Variants in BNC2 observed in about 807,000 individuals in gnomAD.
BNC2 encodes basonuclin zinc finger protein 2.
BNC2 carries 20 observed loss-of-function variants against 76.3 expected under a neutral mutation model. The observed-to-expected ratio is 0.26, with a 90% CI of 0.18 to 0.38. The LOEUF (loss-of-function observed/expected upper bound fraction) is 0.38. Among genes scored for constraint, BNC2 ranks in the 10% least tolerant of loss-of-function variants. BNC2 has a pLI of 1.00. For synonymous variants in BNC2, 582 were observed against 514.8 expected (o/e 1.13, Z -1.77); for missense variants, 1,382 against 1,399.8 (o/e 0.99, Z 0.20).
chr9:16,664,402 C>T (rs1175488181), intron 3 of BNC2, among the ~76,000 whole-genome samples: 1 of 152,162 alleles, frequency 6.6e-6, no homozygotes, highest in East Asian at 1.9e-4. Flanking sequence ...CAGAACTTTC[C>T]TATCCAGAGA....
At chr9:16,699,685 A>C (rs1823450683) in intron 3 of BNC2, among the ~76,000 whole-genome samples, 2 of 152,262 alleles carry the variant, frequency 1.3e-5, no homozygotes, top group African/African-American at 4.8e-5. Context: ...CAGAATTCAC[A>C]GGCATCATTT....
chr9:16,614,311 G>T (rs1158916130), intron 3 of BNC2, among the ~76,000 whole-genome samples: 2 of 148,604 alleles, frequency 1.3e-5, no homozygotes, highest in Non-Finnish European at 3.0e-5. Context: ...AAGGATGGGG[G>T]TCTTACTCAT....
At chr9:16,460,286 G>C (rs1821546059) in intron 5 of BNC2, among the ~76,000 whole-genome samples, 1 of 151,340 alleles carries the variant, frequency 6.6e-6, no homozygotes. Flanking sequence ...TCCCTTCTTG[G>C]AAATAAGTGG....
At chr9:16,473,596 C>T (rs150215262) in intron 5 of BNC2, among the ~76,000 whole-genome samples, 5 of 151,972 alleles carry the variant, frequency 3.3e-5, no homozygotes, top group African/African-American at 4.8e-5. Flanking sequence ...ATGATGGGAC[C>T]GGGCGTGGTG....
At chr9:16,685,604 C>T in intron 3 of BNC2, 1 of 1,304,278 alleles carries the variant, frequency 7.7e-7, no homozygotes, top group Non-Finnish European at 1.0e-6. Context: ...GCCCCCAGCA[C>T]TCTGCCAGTA....
At chr9:16,479,628 T>G (rs1563802716) in intron 5 of BNC2, among the ~76,000 whole-genome samples, 1 of 152,220 alleles carries the variant, frequency 6.6e-6, no homozygotes, top group Non-Finnish European at 1.5e-5. Context: ...GTATCATTGA[T>G]CAGCATAACA....
intron 1 of BNC2, among the ~76,000 whole-genome samples, chr9:16,738,717 G>T (rs968581188): frequency 6.6e-6 from 1 of 152,072 alleles, no homozygotes; most frequent in Admixed American, 6.6e-5. Context: ...ATTGATAATG[G>T]ATACACTTTT....
chr9:16,429,228 T>C (rs1179388523), intron 6 of BNC2: 1 of 152,214 alleles, frequency 6.6e-6, no homozygotes, highest in Non-Finnish European at 1.5e-5. Context: ...TTCCTCTTAG[T>C]ACAACCACGA....
chr9:16,609,720 C>T (rs1019172202), intron 3 of BNC2, among the ~76,000 whole-genome samples: 2 of 152,158 alleles, frequency 1.3e-5, no homozygotes, highest in East Asian at 3.9e-4. Context: ...AAACTAATCT[C>T]AAGAAAGGTC....
At chr9:16,430,860 T>C (rs1020347045) in intron 6 of BNC2, among the ~76,000 whole-genome samples, 3 of 152,240 alleles carry the variant, frequency 2.0e-5, no homozygotes, top group African/African-American at 7.2e-5. Flanking sequence ...AAACTAGCAA[T>C]CGAATGGAAG....
chr9:16,795,513 T>C (rs144056712), intron 1 of BNC2, among the ~76,000 whole-genome samples: 1 of 152,034 alleles, frequency 6.6e-6, no homozygotes, highest in Non-Finnish European at 1.5e-5. Flanking sequence ...CAGACGGCCA[T>C]GCAATTATAA....
At chr9:16,829,316 G>A (rs1033158646) in intron 1 of BNC2, among the ~76,000 whole-genome samples, 6 of 152,142 alleles carry the variant, frequency 3.9e-5, no homozygotes, top group Non-Finnish European at 5.9e-5. Flanking sequence ...GCTGTCTCCT[G>A]GCCCCTACTC....
In BNC2 at chr9:16,554,748, T is replaced by C. The variant is rs568783520; in HGVS notation, c.434-1983A>G. On this transcript the variant is annotated intron_variant, in intron 4 of 6. Coordinates refer to ENST00000380672, the MANE Select transcript of BNC2 (RefSeq NM_017637.6). The stretch of plus-strand genomic sequence containing the variant: ...TCCAGTGACCAGATCGGGGGCGATC[T>C]GCTCCTCCTCCATTTCCCTTCATCA... 5.3e-5 allele frequency among the ~76,000 whole-genome samples: 8 copies of C among 152,142 alleles called. No homozygotes were observed. In the South Asian group the frequency reaches 1.7e-3, roughly 32 times the overall value.
chr9:16,505,448 C>T (rs1156884623), intron 5 of BNC2, among the ~76,000 whole-genome samples: 2 of 152,184 alleles, frequency 1.3e-5, no homozygotes, highest in Non-Finnish European at 2.9e-5. Flanking sequence ...AAACACATAA[C>T]TTTGATAATG....
In BNC2 at chr9:16,763,446, T is replaced by A. The variant is rs551807963; in HGVS notation, c.4-24961A>T. On this transcript the variant is annotated intron_variant, in intron 1 of 6. Coordinates refer to ENST00000380672, the MANE Select transcript of BNC2 (RefSeq NM_017637.6). ...TTAGCCGGCCATAGTGACATGCACC[T>A]GTGGTCCCAGCTACATGGGAAGCTG... 5.9e-4 allele frequency among the ~76,000 whole-genome samples: 90 copies of A among 152,094 alleles called. 1 individual carries two copies. Among genetic ancestry groups the A allele is most frequent in the African/African-American group, 2.1e-3 (89 of 41,478 alleles).
chr9:16,688,036 A>G (rs1367699345), intron 3 of BNC2, among the ~76,000 whole-genome samples: 1 of 152,178 alleles, frequency 6.6e-6, no homozygotes, highest in Admixed American at 6.5e-5. Flanking sequence ...GAGCAGAAAA[A>G]TATATCCATA....
At chr9:16,699,012 A>G (rs2134538464) in intron 3 of BNC2, among the ~76,000 whole-genome samples, 1 of 152,338 alleles carries the variant, frequency 6.6e-6, no homozygotes, top group South Asian at 2.1e-4. Context: ...CAGTATGCAA[A>G]CTTTAGATTC....
chr9:16,670,222 T>A (rs970087725), intron 3 of BNC2, among the ~76,000 whole-genome samples: 1 of 152,216 alleles, frequency 6.6e-6, no homozygotes. Flanking sequence ...CAGTAAAGAT[T>A]TGGGTCTACT....
At chr9:16,787,503 A>G (rs1373215111) in intron 1 of BNC2, among the ~76,000 whole-genome samples, 2 of 152,130 alleles carry the variant, frequency 1.3e-5, no homozygotes, top group African/African-American at 4.8e-5. Context: ...TTGTGCCTCA[A>G]TTTCCTCACT....
Sources: allele counts gnomAD v4.1 joint callset (sites outside exome capture counted in the v4.1 genomes callset), GRCh38; gene constraint gnomAD v4.1.1; transcripts MANE v1.5; gene names NCBI Gene and HGNC (gene_info 2026-07-23, HGNC 2026-07-21).